The following SEC22C variants were observed in gnomAD, a reference collection of about 807,000 sequenced individuals.
SEC22C encodes SEC22 homolog C, vesicle trafficking protein, also known as vesicle-trafficking protein SEC22c.
In SEC22C, 29 loss-of-function variants were observed where a neutral mutation model predicts 34.7. That is an observed-to-expected ratio of 0.84 (90% CI 0.62 to 1.14). SEC22C has a LOEUF of 1.14. SEC22C is among the 50% of genes most tolerant of loss of function. SEC22C has a pLI of 0.00. For missense variants in SEC22C, 337 were observed against 369.0 expected, an observed-to-expected ratio of 0.91 and a Z score of 0.71; for synonymous variants, 117 against 132.8, an observed-to-expected ratio of 0.88 and a Z score of 0.82.
In SEC22C at chr3:42,595,450, TA is replaced by T. The variant is rs1422112743; in HGVS notation, c.-28+5509del. On this transcript the variant is annotated intron_variant, in intron 1 of 6. Transcript: ENST00000417572. ...AGGCTCATGCAGACTCATGTTCTAA[TA>T]TTTTTAGCAGGAATATATTAGAAGG... 3.3e-5 allele frequency among the ~76,000 whole-genome samples: 5 copies of T among 152,390 alleles called. No homozygotes were observed. The East Asian group carries it at 9.6e-4, about 29-fold the overall frequency.
intron 6 of SEC22C, 87 bp from the exon 7 acceptor site, chr3:42,553,535 A>T: frequency 6.6e-7 from 1 of 1,516,292 alleles, no homozygotes; most frequent in Non-Finnish European, 8.8e-7. Context: ...AGCTTCCATG[A>T]AGAGTGTCAT....
At chr3:42,588,566 T>C (rs1024495679) in intron 1 of SEC22C, among the ~76,000 whole-genome samples, 2 of 152,210 alleles carry the variant, frequency 1.3e-5, no homozygotes, top group Non-Finnish European at 2.9e-5. Flanking sequence ...TGTAGCATTA[T>C]GTTATATAGT....
intron 1 of SEC22C, among the ~76,000 whole-genome samples, chr3:42,572,902 T>C (rs2125717390): frequency 6.6e-6 from 1 of 152,324 alleles, no homozygotes; most frequent in East Asian, 1.9e-4. Context: ...TTATAAACTG[T>C]TTCCCAGGCT....
chr3:42,598,219 C>T (rs868685761), intron 1 of SEC22C, among the ~76,000 whole-genome samples: 1 of 151,962 alleles, frequency 6.6e-6, no homozygotes, highest in Non-Finnish European at 1.5e-5. Flanking sequence ...ATGATATACA[C>T]ATACAATGGA....
At chr3:42,567,190 C>T (rs1351557437) in intron 2 of SEC22C, among the ~76,000 whole-genome samples, 1 of 152,202 alleles carries the variant, frequency 6.6e-6, no homozygotes, top group Non-Finnish European at 1.5e-5. Flanking sequence ...GCGTGAGCCA[C>T]TGCACCCAGC....
upstream of SEC22C, among the ~76,000 whole-genome samples, chr3:42,585,374 C>T (rs1159228039): frequency 6.6e-6 from 1 of 152,160 alleles, no homozygotes; most frequent in African/African-American, 2.4e-5. Flanking sequence ...CTTTCTCTTC[C>T]AGTCCTCTTC....
At position 42,553,178 on chromosome 3, in the gene SEC22C, G is replaced by A; in HGVS notation, c.*70C>T. ...GATGGAAACTGGAGTGTAAAGTAGAGAAGCAGAAAGAGAAACATAGATTGA... is the reference window on the plus strand; with the variant it reads ...GATGGAAACTGGAGTGTAAAGTAGAAAAGCAGAAAGAGAAACATAGATTGA... On this transcript the variant is annotated 3_prime_UTR_variant, in exon 7 of 7. Coordinates refer to ENST00000264454, the MANE Select transcript of SEC22C (RefSeq NM_032970.4). 1.3e-6 allele frequency: 2 copies of A among 1,581,110 alleles called. No individual in the cohort carries two copies. Among genetic ancestry groups the A allele is most frequent in the South Asian group, 1.2e-5 (1 of 85,668 alleles).
At chr3:42,558,969 C>T (rs1003277879) in intron 4 of SEC22C, among the ~76,000 whole-genome samples, 1 of 152,110 alleles carries the variant, frequency 6.6e-6, no homozygotes. Context: ...ACTTCTAGAG[C>T]AATTCACAGC....
chr3:42,570,666 C>T (rs1176462354), intron 1 of SEC22C, among the ~76,000 whole-genome samples: 8 of 152,104 alleles, frequency 5.3e-5, no homozygotes, highest in Admixed American at 5.2e-4. Flanking sequence ...GGTCAACTGC[C>T]AGAAGACACT....
At chr3:42,565,309 A>C (rs1313888571) in intron 2 of SEC22C, among the ~76,000 whole-genome samples, 1 of 152,150 alleles carries the variant, frequency 6.6e-6, no homozygotes, top group Non-Finnish European at 1.5e-5. Context: ...ATGTTGTTCT[A>C]CCAACTTTTT....
At chr3:42,567,730 A>G (rs755342419) in intron 2 of SEC22C, among the ~76,000 whole-genome samples, 3 of 152,130 alleles carry the variant, frequency 2.0e-5, no homozygotes, top group Non-Finnish European at 2.9e-5. Flanking sequence ...GAGAAAAGAG[A>G]CCTACTCTCA....
At chr3:42,601,048 G>C in exon 1 of SEC22C, 1 of 1,581,134 alleles carries the variant, frequency 6.3e-7, no homozygotes, top group Non-Finnish European at 8.6e-7. Flanking sequence ...TCGACATCGA[G>C]ATCAACCGGG....
At chr3:42,595,989 TTTTC>T (rs1705015889) in intron 1 of SEC22C, among the ~76,000 whole-genome samples, 1 of 152,116 alleles carries the variant, frequency 6.6e-6, no homozygotes. Context: ...GCTCTTTCTT[TTTTC>T]TTTTTCTTCT....
chr3:42,557,393 A>G (rs1350849694), intron 5 of SEC22C, among the ~76,000 whole-genome samples, 185 bp downstream of exon 5: 2 of 152,220 alleles, frequency 1.3e-5, no homozygotes, highest in South Asian at 2.1e-4. Context: ...TTCTTAGGAC[A>G]ATAGACATAA....
chr3:42,585,394 C>G (rs190158167), upstream of SEC22C, among the ~76,000 whole-genome samples: 70 of 152,334 alleles, frequency 4.6e-4, no homozygotes, highest in East Asian at 0.012. Flanking sequence ...CAGTCCTCCA[C>G]TCCTAGGGTA....
chr3:42,599,506 A>C (rs1298782898), intron 1 of SEC22C, among the ~76,000 whole-genome samples: 2 of 149,836 alleles, frequency 1.3e-5, no homozygotes, highest in African/African-American at 2.4e-5. Flanking sequence ...TCCCGGCTAA[A>C]ACGGTGAAAC....
intron 1 of SEC22C, among the ~76,000 whole-genome samples, chr3:42,593,091 T>G (rs1048123811): frequency 1.3e-5 from 2 of 152,188 alleles, no homozygotes; most frequent in Non-Finnish European, 2.9e-5. Context: ...TTAGTTATTA[T>G]AAGTAATCTA....
intron 1 of SEC22C, among the ~76,000 whole-genome samples, chr3:42,587,842 T>A (rs937671593): frequency 2.0e-5 from 3 of 151,560 alleles, no homozygotes; most frequent in African/African-American, 7.3e-5. Flanking sequence ...GAGGCTGAGG[T>A]GGGTGGTTCA....
chr3:42,600,927 T>A, intron 1 of SEC22C: 9 of 1,006,678 alleles, frequency 8.9e-6, no homozygotes, highest in Non-Finnish European at 1.1e-5. Flanking sequence ...CCCTCGCCCC[T>A]GCCCTCGCCC....
Sources: allele counts gnomAD v4.1 joint callset (sites outside exome capture counted in the v4.1 genomes callset), GRCh38; gene constraint gnomAD v4.1.1; transcripts MANE v1.5; gene names NCBI Gene and HGNC (gene_info 2026-07-23, HGNC 2026-07-21).